CEP170: variants seen among roughly 807,000 people sequenced by gnomAD.
CEP170 encodes the protein centrosomal protein 170.
Under a neutral mutation model 151.9 loss-of-function variants are expected in CEP170, and 21 were observed. The ratio of observed to expected loss-of-function variants is 0.14; its 90% CI spans 0.10 to 0.20. CEP170 has a LOEUF of 0.20. Ranked by LOEUF, CEP170 falls within the 10% of genes least tolerant of loss-of-function variation. CEP170 has a pLI of 1.00. For synonymous variants in CEP170, 356 were observed against 648.8 expected, an observed-to-expected ratio of 0.55 and a Z score of 6.86; for missense variants, 964 against 1,892.9, an observed-to-expected ratio of 0.51 and a Z score of 9.11.
chr1:243,248,966 G>A lies in CEP170; in HGVS notation c.-42+6074C>T, dbSNP rs1023310704. 1.4e-4 allele frequency among the ~76,000 whole-genome samples: 22 copies of A among 152,104 alleles called. 1 individual carries two copies. The highest frequency in any genetic ancestry group is 1.3e-3 in the Admixed American group (20 of 15,258). On this transcript the variant is annotated intron_variant, in intron 1 of 19. Transcript: ENST00000366542. ...ATACTCTCCACTCAGATACCTACAA[G>A]ATGCTTCCTTACCTAATGCAAGTTC...
chr1:243,246,897 A>G (rs2065456774), intron 1 of CEP170, among the ~76,000 whole-genome samples: 1 of 129,082 alleles, frequency 7.7e-6, no homozygotes, highest in Non-Finnish European at 1.8e-5. Context: ...TAAGGTCTGC[A>G]AGATACCTAT....
At position 243,189,685 on chromosome 1, in the gene CEP170, C is replaced by A. The variant is rs532446293; in HGVS notation, c.1108+1333G>T. 2.6e-5 allele frequency among the ~76,000 whole-genome samples: 4 copies of A among 151,622 alleles called. No homozygotes were observed. In the South Asian group the frequency reaches 8.3e-4, roughly 32 times the overall value. On this transcript the variant is annotated intron_variant, in intron 8 of 19. Transcript: ENST00000366542. ...TACCTTTTAAAAGGATATTTTACCT[C>A]AGTTTTTGTTTATTAAGAGTGGTTT... is the stretch of plus-strand genomic sequence containing the variant.
At chr1:243,242,812 T>C (rs1212134289) in intron 1 of CEP170, among the ~76,000 whole-genome samples, 4 of 152,130 alleles carry the variant, frequency 2.6e-5, no homozygotes, top group Admixed American at 1.3e-4. Flanking sequence ...GCAATTCTCC[T>C]ACCTCAGCCT....
At chr1:243,172,041 G>C (rs2058882462) in intron 11 of CEP170, among the ~76,000 whole-genome samples, 1 of 152,102 alleles carries the variant, frequency 6.6e-6, no homozygotes, top group East Asian at 1.9e-4. Context: ...CCTCGTACAT[G>C]TTTCCTGGTA....
At chr1:243,157,903 A>G (rs1286751630) in intron 13 of CEP170, among the ~76,000 whole-genome samples, 1 of 152,234 alleles carries the variant, frequency 6.6e-6, no homozygotes, top group Non-Finnish European at 1.5e-5. Flanking sequence ...ATTCATAGGT[A>G]TGACAGAATG....
At chr1:243,203,054 CGAA>C (rs1265229454) in intron 4 of CEP170, among the ~76,000 whole-genome samples, 9 of 152,204 alleles carry the variant, frequency 5.9e-5, no homozygotes, top group Admixed American at 2.0e-4. Context: ...TGTGTGGAAA[CGAA>C]GAAGACCTCA....
At chr1:243,215,820 C>T (rs1379221193) in intron 3 of CEP170, among the ~76,000 whole-genome samples, 1 of 152,118 alleles carries the variant, frequency 6.6e-6, no homozygotes, top group Non-Finnish European at 1.5e-5. Context: ...CTAATAAAAA[C>T]TTGCTGGTTT....
At chr1:243,210,015 T>C (rs1368030101) in intron 4 of CEP170, among the ~76,000 whole-genome samples, 8 of 152,160 alleles carry the variant, frequency 5.3e-5, no homozygotes, top group African/African-American at 1.9e-4. Flanking sequence ...TTTAAAATAA[T>C]AAAATTATAT....
At chr1:243,234,853 G>A (rs910761519) in intron 1 of CEP170, among the ~76,000 whole-genome samples, 4 of 152,046 alleles carry the variant, frequency 2.6e-5, no homozygotes, top group Non-Finnish European at 1.5e-5. Flanking sequence ...TATTATAAAA[G>A]CAAATGGTTT....
At chr1:243,183,964 T>C (rs1319709722) in intron 10 of CEP170, among the ~76,000 whole-genome samples, 5 of 152,176 alleles carry the variant, frequency 3.3e-5, no homozygotes, top group Non-Finnish European at 7.4e-5. Flanking sequence ...CAATGACTTC[T>C]TTCTTGGCTT....
intron 10 of CEP170, among the ~76,000 whole-genome samples, chr1:243,182,878 A>T (rs1468547926): frequency 6.6e-6 from 1 of 152,156 alleles, no homozygotes; most frequent in African/African-American, 2.4e-5. Context: ...GTCTCTTTCC[A>T]ATGGGAGTAG....
chr1:243,216,546 A>G (rs1324048639), intron 3 of CEP170, among the ~76,000 whole-genome samples: 2 of 152,172 alleles, frequency 1.3e-5, no homozygotes, highest in African/African-American at 4.8e-5. Context: ...ATGATGAGGT[A>G]GTTACAGTAA....
intron 16 of CEP170, among the ~76,000 whole-genome samples, chr1:243,137,519 G>A (rs1350496291): frequency 6.6e-6 from 1 of 152,170 alleles, no homozygotes; most frequent in Non-Finnish European, 1.5e-5. Context: ...GCTCACGCCT[G>A]TAATCCCAGC....
chr1:243,229,540 G>A (rs1028381625), intron 1 of CEP170, among the ~76,000 whole-genome samples: 9 of 152,140 alleles, frequency 5.9e-5, no homozygotes, highest in Admixed American at 5.2e-4. Flanking sequence ...TCATGGAATT[G>A]CCATCTTTCA....
intron 3 of CEP170, among the ~76,000 whole-genome samples, chr1:243,217,033 T>C (rs1342022415): frequency 1.3e-5 from 2 of 152,222 alleles, no homozygotes; most frequent in African/African-American, 4.8e-5. Context: ...ACCTAGATAG[T>C]ATAGCCTACT....
rs556960687 is a variant in CEP170, at chr1:243,244,562, G to A, written c.-42+10478C>T. Reference sequence around the variant, plus strand: ...ACTTGAGACCGGCCTGGGCAACACGGTGAAACCCCATCTTTACCAAAAACA... The same window carrying A: ...ACTTGAGACCGGCCTGGGCAACACGATGAAACCCCATCTTTACCAAAAACA... On this transcript the variant is annotated intron_variant, in intron 1 of 19. Coordinates refer to ENST00000366542, the MANE Select transcript of CEP170 (RefSeq NM_014812.3). 6.6e-5 allele frequency among the ~76,000 whole-genome samples: 10 copies of A among 152,232 alleles called. No individual in the cohort carries two copies. The South Asian group carries it at 2.1e-3, about 32-fold the overall frequency.
At chr1:243,173,118 T>G (rs567986228) in intron 10 of CEP170, among the ~76,000 whole-genome samples, 7 of 151,844 alleles carry the variant, frequency 4.6e-5, no homozygotes, top group Admixed American at 4.6e-4. Flanking sequence ...TGGAGTACAG[T>G]GGCGTGATCT....
At chr1:243,201,615 G>A (rs61377372) in intron 4 of CEP170, among the ~76,000 whole-genome samples, 11,093 of 152,132 alleles carry the variant, frequency 0.073, 911 homozygotes, top group East Asian at 0.24. Flanking sequence ...ATGACTTCGA[G>A]GGTAGAAAGC....
intron 14 of CEP170, among the ~76,000 whole-genome samples, chr1:243,154,494 T>C (rs917704183): frequency 1.9e-4 from 29 of 152,356 alleles, no homozygotes; most frequent in African/African-American, 7.0e-4. Flanking sequence ...CCCTCCTTTT[T>C]TCTCCACATA....
Sources: gnomAD v4.1 joint callset for allele counts (sites outside exome capture counted in the v4.1 genomes callset) on GRCh38, gnomAD v4.1.1 for gene constraint, MANE v1.5 for transcripts, NCBI Gene and HGNC (gene_info 2026-07-23, HGNC 2026-07-21) for gene names.